Variants in CAST observed in about 807,000 individuals in gnomAD.
The protein encoded by CAST is calpastatin.
Under a neutral mutation model 119.6 loss-of-function variants are expected in CAST, and 76 were observed. The observed-to-expected ratio is 0.64, with a 90% CI of 0.53 to 0.77. The LOEUF (loss-of-function observed/expected upper bound fraction) is 0.77, where lower values mean the gene tolerates loss of function less well. Ranked by LOEUF, CAST falls within the 30% of genes least tolerant of loss-of-function variation. CAST has a pLI of 0.00. For missense variants in CAST, 953 were observed against 946.5 expected (o/e 1.01, Z -0.09); for synonymous variants, 319 against 331.6 (o/e 0.96, Z 0.41).
At chr5:96,457,710 T>C in the CAST span, among the ~76,000 whole-genome samples, 1 of 152,240 alleles carries the variant, frequency 6.6e-6, no homozygotes, top group Non-Finnish European at 1.5e-5. Context: ...TTACATTTTT[T>C]GAAGGAGTCT....
At chr5:96,371,689 G>A in the CAST span, among the ~76,000 whole-genome samples, 1 of 152,130 alleles carries the variant, frequency 6.6e-6, no homozygotes, top group Admixed American at 6.5e-5. Context: ...CACATAGTAG[G>A]TGTTCAATAA....
intron 1 of CAST, among the ~76,000 whole-genome samples, chr5:96,621,230 A>C (rs1429916394): frequency 2.0e-5 from 3 of 152,308 alleles, no homozygotes; most frequent in Non-Finnish European, 4.4e-5. Flanking sequence ...AAATTCACAC[A>C]CTACAGAGGT....
At chr5:96,732,896 T>A (rs1425533127) in intron 9 of CAST, among the ~76,000 whole-genome samples, 1 of 152,172 alleles carries the variant, frequency 6.6e-6, no homozygotes, top group Non-Finnish European at 1.5e-5. Flanking sequence ...GAAGGAACAA[T>A]GAGAAGATGG....
chr5:96,601,195 C>T (rs1355931785), intron 1 of CAST, among the ~76,000 whole-genome samples: 1 of 152,164 alleles, frequency 6.6e-6, no homozygotes, highest in South Asian at 2.1e-4. Flanking sequence ...TTCCTTATTA[C>T]CACCCTTTAA....
At chr5:96,015,548 C>T in the CAST span, among the ~76,000 whole-genome samples, 1 of 151,852 alleles carries the variant, frequency 6.6e-6, no homozygotes, top group African/African-American at 2.4e-5. Context: ...CCTATCACTC[C>T]TGTTTTAGGT....
At chr5:96,368,223 G>T in the CAST span, among the ~76,000 whole-genome samples, 1 of 151,654 alleles carries the variant, frequency 6.6e-6, no homozygotes, top group Non-Finnish European at 1.5e-5. Context: ...GAATTGGCTG[G>T]GCACGATAGC....
chr5:96,175,173 A>T, the CAST span, among the ~76,000 whole-genome samples: 5 of 152,366 alleles, frequency 3.3e-5, no homozygotes, highest in East Asian at 9.6e-4. Flanking sequence ...AAAATAGTAC[A>T]TGCAATTAAA....
intron 1 of CAST, among the ~76,000 whole-genome samples, chr5:96,573,019 G>A (rs1486763536): frequency 6.6e-6 from 1 of 152,190 alleles, no homozygotes; most frequent in Non-Finnish European, 1.5e-5. Flanking sequence ...GAAGTTACTC[G>A]ATGACTAATT....
chr5:96,364,302 T>A, the CAST span, among the ~76,000 whole-genome samples: 1 of 152,204 alleles, frequency 6.6e-6, no homozygotes, highest in Non-Finnish European at 1.5e-5. Context: ...TCTTTTTTTG[T>A]TGTGTCTCTG....
the CAST span, among the ~76,000 whole-genome samples, chr5:96,461,913 G>GACT: frequency 6.6e-6 from 1 of 152,218 alleles, no homozygotes; most frequent in South Asian, 2.1e-4. Flanking sequence ...GACCAACGCT[G>GACT]ACTGTAACTG....
chr5:96,619,413 A>G (rs1747542792), intron 1 of CAST, among the ~76,000 whole-genome samples: 1 of 152,006 alleles, frequency 6.6e-6, no homozygotes, highest in African/African-American at 2.4e-5. Flanking sequence ...TCTCTGTAAA[A>G]TGAACCAATC....
the CAST span, among the ~76,000 whole-genome samples, chr5:96,038,164 C>A: frequency 6.6e-6 from 1 of 152,076 alleles, no homozygotes; most frequent in Admixed American, 6.6e-5. Flanking sequence ...AAAGAGCTCC[C>A]AATGGCCAAA....
chr5:96,088,508 T>G, the CAST span, among the ~76,000 whole-genome samples: 384 of 152,308 alleles, frequency 2.5e-3, 2 homozygotes, highest in African/African-American at 8.8e-3. Context: ...GGCGGCAGAA[T>G]TCTCTCAGCC....
the CAST span, among the ~76,000 whole-genome samples, chr5:95,996,679 A>C: frequency 2.0e-5 from 3 of 152,186 alleles, no homozygotes. Flanking sequence ...TTCAGTGTAC[A>C]TAATAATCAC....
intron 1 of CAST, among the ~76,000 whole-genome samples, chr5:96,567,919 G>C (rs1426877434): frequency 6.6e-6 from 1 of 152,128 alleles, no homozygotes; most frequent in East Asian, 1.9e-4. Context: ...AATCTGCTTT[G>C]TCAGAGCTTC....
chr5:96,071,869 G>T, the CAST span, among the ~76,000 whole-genome samples: 1 of 152,148 alleles, frequency 6.6e-6, no homozygotes, highest in East Asian at 1.9e-4. Flanking sequence ...TGATATAAAT[G>T]AAGAAATGAT....
the CAST span, among the ~76,000 whole-genome samples, chr5:96,228,252 G>A: frequency 6.6e-6 from 1 of 152,138 alleles, no homozygotes; most frequent in African/African-American, 2.4e-5. Flanking sequence ...TTCTTTCTGT[G>A]TGAGACAATT....
chr5:96,262,896 G>GT, the CAST span, among the ~76,000 whole-genome samples: 1 of 152,032 alleles, frequency 6.6e-6, no homozygotes, highest in Non-Finnish European at 1.5e-5. Flanking sequence ...TGCTCAACTG[G>GT]TTTTTCTCTC....
chr5:96,437,194 G>A, the CAST span, among the ~76,000 whole-genome samples: 1 of 152,202 alleles, frequency 6.6e-6, no homozygotes, highest in African/African-American at 2.4e-5. Flanking sequence ...AGGCTTTGAG[G>A]TGGATGAATA....
Sources: gnomAD v4.1 joint callset for allele counts (sites outside exome capture counted in the v4.1 genomes callset) on GRCh38, gnomAD v4.1.1 for gene constraint, MANE v1.5 for transcripts, NCBI Gene and HGNC (gene_info 2026-07-23, HGNC 2026-07-21) for gene names.